KIF2A: variants seen among roughly 807,000 people sequenced by gnomAD.
The protein encoded by KIF2A is kinesin-like protein KIF2A.
In KIF2A, 22 loss-of-function variants were observed where a neutral mutation model predicts 100.2. That is an observed-to-expected ratio of 0.22 (90% CI 0.16 to 0.31). The LOEUF (loss-of-function observed/expected upper bound fraction) is 0.31, where lower values mean the gene tolerates loss of function less well. KIF2A is among the 10% of genes least tolerant of loss of function. The pLI is 1.00. For synonymous variants in KIF2A, 268 were observed against 285.9 expected (o/e 0.94, Z 0.63); for missense variants, 495 against 898.7 (o/e 0.55, Z 5.74).
intron 19 of KIF2A, among the ~76,000 whole-genome samples, chr5:62,379,461 G>A (rs1427474378): frequency 1.3e-5 from 2 of 152,054 alleles, no homozygotes; most frequent in African/African-American, 4.8e-5. Context: ...TTGCGAGTTC[G>A]ATACCAGCCT....
intron 15 of KIF2A, 118 bp downstream of exon 15, chr5:62,365,471 T>A (rs576359676): frequency 3.6e-6 from 2 of 560,410 alleles, no homozygotes; most frequent in East Asian, 6.1e-5. Context: ...TTTTGAGTGA[T>A]ATGGTGATAT....
At chr5:62,330,707 G>T (rs264529) in intron 1 of KIF2A, among the ~76,000 whole-genome samples, 131,817 of 152,118 alleles carry the variant, frequency 0.87, 57,325 homozygotes, top group Middle Eastern at 0.92. Flanking sequence ...ATTAGCATAT[G>T]TTTAAAAGTC....
intron 20 of KIF2A, among the ~76,000 whole-genome samples, chr5:62,383,831 C>T (rs1186377958): frequency 6.6e-6 from 1 of 152,164 alleles, no homozygotes; most frequent in African/African-American, 2.4e-5. Flanking sequence ...GACTTCCTTT[C>T]CTTTTCTCAA....
intron 4 of KIF2A, 101 bp from the exon 5 acceptor site, chr5:62,352,487 C>T (rs1747900839): frequency 4.1e-6 from 3 of 729,668 alleles, no homozygotes; most frequent in Admixed American, 6.9e-5. Flanking sequence ...ACTAATGTAA[C>T]TTTTAAGTAT....
intron 1 of KIF2A, among the ~76,000 whole-genome samples, chr5:62,312,252 A>C (rs761665380): frequency 6.6e-6 from 1 of 152,230 alleles, no homozygotes; most frequent in Non-Finnish European, 1.5e-5. Context: ...GGGAAAGGCT[A>C]TGTGTCAACT....
In KIF2A at chr5:62,355,784, T is replaced by C. The variant is rs531758072; in HGVS notation, c.654+530T>C. Among the ~76,000 whole-genome samples, 36 of 151,982 alleles carry C rather than the reference T, an allele frequency of 2.4e-4. No homozygotes were observed. The South Asian group carries it at 7.3e-3, about 31-fold the overall frequency. On this transcript the variant is annotated intron_variant, in intron 7 of 20. Coordinates refer to ENST00000407818, the MANE Select transcript of KIF2A (RefSeq NM_001098511.3). Reference sequence around the variant, plus strand: ...TTTGCTGTTGATGAATGAGAATTCATTGGACAGGGAGTGCCTTTTTTTTTT... The same window carrying C: ...TTTGCTGTTGATGAATGAGAATTCACTGGACAGGGAGTGCCTTTTTTTTTT...
chr5:62,328,606 C>T (rs139052260), intron 1 of KIF2A, among the ~76,000 whole-genome samples: 34 of 152,258 alleles, frequency 2.2e-4, no homozygotes, highest in African/African-American at 7.9e-4. Context: ...ATTCTCCTGC[C>T]TCAGCCTCCC....
At chr5:62,355,553 C>A (rs79944457) in intron 7 of KIF2A, among the ~76,000 whole-genome samples, 6,099 of 152,276 alleles carry the variant, frequency 0.04, 380 homozygotes, top group African/African-American at 0.14. Context: ...ACTTTCCTTT[C>A]TGACTGTGAG....
intron 9 of KIF2A, among the ~76,000 whole-genome samples, chr5:62,360,888 T>G (rs1748374389): frequency 6.6e-6 from 1 of 152,190 alleles, no homozygotes; most frequent in Non-Finnish European, 1.5e-5. Flanking sequence ...TTTTGCAGTT[T>G]TTTTCCTCTA....
Position 62,351,543 on chromosome 5 carries a change from C to T in KIF2A, c.335-1045C>T, listed in dbSNP as rs1035130083. Among the ~76,000 whole-genome samples the T allele has an allele frequency of 8.5e-5, 13 of 152,184 alleles. No individual in the cohort carries two copies. The East Asian group carries it at 2.3e-3, about 27-fold the overall frequency. On this transcript the variant is annotated intron_variant, in intron 4 of 20. Transcript: ENST00000407818. ...ATTGTCTTTTCTGGCAGTATTATTT[C>T]TCTGTGTGTGGATGGTAGAACAGGA... is the stretch of plus-strand genomic sequence containing the variant.
chr5:62,382,594 T>C (rs189313522), intron 20 of KIF2A, among the ~76,000 whole-genome samples: 9 of 152,100 alleles, frequency 5.9e-5, no homozygotes, highest in Admixed American at 5.9e-4. Context: ...ATTTGCATTA[T>C]ACCAAAAGTT....
Position 62,388,913 on chromosome 5 carries a change from T to C in KIF2A, c.*3344T>C. Reference sequence around the variant, plus strand: ...ATTGAACCAAAAATAGTCAAGTAAATAATGTCTCAGTAAAGCAAAAGCATT... The same window carrying C: ...ATTGAACCAAAAATAGTCAAGTAAACAATGTCTCAGTAAAGCAAAAGCATT... On this transcript the variant is annotated 3_prime_UTR_variant, in exon 21 of 21. Coordinates refer to ENST00000407818, the MANE Select transcript of KIF2A (RefSeq NM_001098511.3). 8.8e-7 allele frequency: 1 copy of C among 1,142,810 alleles called. No homozygotes were observed. The highest frequency in any genetic ancestry group is 1.3e-6 in the Non-Finnish European group (1 of 784,200). 70.8% of individuals were successfully genotyped at this position (1,142,810 alleles called of 1,614,324 possible). A position where few individuals can be genotyped will look rare whatever the true frequency, so the allele number is the denominator to read the frequency against.
intron 16 of KIF2A, among the ~76,000 whole-genome samples, chr5:62,367,006 A>T (rs980976624): frequency 6.6e-6 from 1 of 152,158 alleles, no homozygotes; most frequent in Admixed American, 6.5e-5. Context: ...TAACTTTAGT[A>T]AAGTTGGTCT....
chr5:62,327,764 G>C (rs1257683626), intron 1 of KIF2A, among the ~76,000 whole-genome samples: 1 of 152,162 alleles, frequency 6.6e-6, no homozygotes, highest in Non-Finnish European at 1.5e-5. Context: ...GCCAGGCTTT[G>C]AAAGTAGAAA....
At chr5:62,353,213 A>C in intron 5 of KIF2A, 62 bp from the exon 6 acceptor site, 1 of 849,926 alleles carries the variant, frequency 1.2e-6, no homozygotes, top group Non-Finnish European at 1.8e-6. Flanking sequence ...ACATAAAAAA[A>C]GTTTAATATT....
chr5:62,368,542 C>T (rs1222613891), intron 16 of KIF2A, among the ~76,000 whole-genome samples: 2 of 151,998 alleles, frequency 1.3e-5, no homozygotes, highest in African/African-American at 4.8e-5. Context: ...TTTTGGTGGC[C>T]CAGGCGGGTG....
chr5:62,382,982 G>A (rs1741847194), intron 20 of KIF2A, among the ~76,000 whole-genome samples: 1 of 147,566 alleles, frequency 6.8e-6, no homozygotes, highest in Admixed American at 6.8e-5. Context: ...AGGCTGGAGT[G>A]CAGTGGCAAT....
intron 1 of KIF2A, among the ~76,000 whole-genome samples, chr5:62,311,617 C>T (rs146319475): frequency 6.6e-6 from 1 of 152,222 alleles, no homozygotes; most frequent in Non-Finnish European, 1.5e-5. Flanking sequence ...CATCTTTACA[C>T]GTCACTATAT....
At chr5:62,341,017 T>G (rs1402471330) in intron 1 of KIF2A, among the ~76,000 whole-genome samples, 1 of 152,148 alleles carries the variant, frequency 6.6e-6, no homozygotes, top group Non-Finnish European at 1.5e-5. Context: ...ATGGTTCTAG[T>G]TATCTGATTA....
Sources: allele counts gnomAD v4.1 joint callset (sites outside exome capture counted in the v4.1 genomes callset), GRCh38; gene constraint gnomAD v4.1.1; transcripts MANE v1.5; gene names NCBI Gene and HGNC (gene_info 2026-07-23, HGNC 2026-07-21).